Variants in LEPR observed in about 807,000 individuals in gnomAD.
The protein encoded by LEPR is OB receptor.
Under a neutral mutation model 114.7 loss-of-function variants are expected in LEPR, and 56 were observed. That is an observed-to-expected ratio of 0.49 (90% CI 0.39 to 0.61). The LOEUF is 0.61. Ranked by LOEUF, LEPR falls within the 20% of genes least tolerant of loss-of-function variation. LEPR has a pLI of 0.00. For missense variants in LEPR, 1,202 were observed against 1,352.9 expected, an observed-to-expected ratio of 0.89 and a Z score of 1.75; for synonymous variants, 443 against 461.4, an observed-to-expected ratio of 0.96 and a Z score of 0.51.
rs552470170 is a variant in LEPR at position 65,457,807 on chromosome 1, G to C, written c.-21+32429G>C. ...CTTTTCTTTTTAAATTTCGAGACAGGCTACAACAGAATCCAAATCCATAGG... is the reference window on the plus strand; with the variant it reads ...CTTTTCTTTTTAAATTTCGAGACAGCCTACAACAGAATCCAAATCCATAGG... On this transcript the variant is annotated intron_variant, in intron 2 of 19. Coordinates refer to ENST00000349533, the MANE Select transcript of LEPR (RefSeq NM_002303.6). Among the ~76,000 whole-genome samples, 42 of 152,148 alleles carry C rather than the reference G, an allele frequency of 2.8e-4. 1 individual carries two copies. The Middle Eastern group carries it at 0.01, about 37-fold the overall frequency.
intron 9 of LEPR, 69 bp downstream of exon 9, chr1:65,601,751 T>C (rs1251464462): frequency 1.2e-6 from 2 of 1,605,654 alleles, no homozygotes; most frequent in Non-Finnish European, 1.7e-6. Context: ...CTCCTTATAT[T>C]AGAGTCCTGT....
intron 1 of LEPR, among the ~76,000 whole-genome samples, chr1:65,423,611 G>C (rs1646297748): frequency 6.6e-6 from 1 of 152,168 alleles, no homozygotes; most frequent in African/African-American, 2.4e-5. Context: ...CCATTAAAGA[G>C]TGGAAATGTA....
chr1:65,492,254 A>G (rs183944105), intron 2 of LEPR, among the ~76,000 whole-genome samples: 3 of 152,136 alleles, frequency 2.0e-5, no homozygotes, highest in East Asian at 3.9e-4. Context: ...TCCACTTCCA[A>G]TCTAATATTA....
At chr1:65,427,727 C>T (rs1425124500) in intron 2 of LEPR, 3 of 360,864 alleles carry the variant, frequency 8.3e-6, no homozygotes, top group East Asian at 1.6e-4. Context: ...TGACTCATTA[C>T]TGCTACTACA....
intron 4 of LEPR, 112 bp from the exon 5 acceptor site, chr1:65,572,214 C>T: frequency 4.5e-6 from 6 of 1,333,922 alleles, no homozygotes; most frequent in South Asian, 1.6e-5. Flanking sequence ...GAAGTTGTAT[C>T]AGAACACTGG....
At chr1:65,528,507 A>G (rs1650133510) in intron 2 of LEPR, among the ~76,000 whole-genome samples, 1 of 152,030 alleles carries the variant, frequency 6.6e-6, no homozygotes, top group Non-Finnish European at 1.5e-5. Flanking sequence ...CTTAATAGTG[A>G]TATTACCTGT....
intron 2 of LEPR, among the ~76,000 whole-genome samples, chr1:65,541,890 A>T (rs1047552877): frequency 6.6e-6 from 1 of 152,190 alleles, no homozygotes. Flanking sequence ...TTTGAGATCA[A>T]TGGAGCAAGT....
chr1:65,429,143 C>G (rs1018542165), intron 2 of LEPR, among the ~76,000 whole-genome samples: 5 of 152,010 alleles, frequency 3.3e-5, no homozygotes, highest in African/African-American at 9.7e-5. Flanking sequence ...CGAGGGTGAC[C>G]TGGGGTACAT....
chr1:65,473,903 G>T (rs114103909), intron 2 of LEPR, among the ~76,000 whole-genome samples: 1 of 152,094 alleles, frequency 6.6e-6, no homozygotes, highest in Non-Finnish European at 1.5e-5. Context: ...AATTCATGTT[G>T]TCTAATCAAT....
intron 2 of LEPR, among the ~76,000 whole-genome samples, chr1:65,502,041 G>A (rs1231633908): frequency 6.6e-6 from 1 of 152,096 alleles, no homozygotes; most frequent in East Asian, 1.9e-4. Context: ...GAAAACAAGA[G>A]GAAATGATTG....
At chr1:65,506,814 C>G (rs950372648) in intron 2 of LEPR, among the ~76,000 whole-genome samples, 1 of 152,150 alleles carries the variant, frequency 6.6e-6, no homozygotes, top group Non-Finnish European at 1.5e-5. Flanking sequence ...TTAAAATCCT[C>G]TCTTAGAGAT....
chr1:65,455,637 G>A (rs1294686806), intron 2 of LEPR, among the ~76,000 whole-genome samples: 6 of 152,202 alleles, frequency 3.9e-5, no homozygotes, highest in South Asian at 2.1e-4. Flanking sequence ...CAGTCTGTCC[G>A]TTCTCAGATC....
intron 2 of LEPR, among the ~76,000 whole-genome samples, chr1:65,464,864 G>T (rs901647527): frequency 6.6e-6 from 1 of 152,110 alleles, no homozygotes; most frequent in Non-Finnish European, 1.5e-5. Flanking sequence ...CTGTGGGATT[G>T]GTGGTGATAT....
At chr1:65,636,042 A>ATATATGTATTTTAGTCAAAAAC in intron 19 of LEPR, 149 bp from the exon 20 acceptor site, 1 of 835,970 alleles carries the variant, frequency 1.2e-6, no homozygotes, top group Non-Finnish European at 1.9e-6. Context: ...ATGCTTTTTG[A>ATATATGTATTTTAGTCAAAAAC]TATATGTATT....
At chr1:65,485,176 TCTTTTCATCCATAAAG>T (rs1647422706) in intron 2 of LEPR, among the ~76,000 whole-genome samples, 1 of 152,144 alleles carries the variant, frequency 6.6e-6, no homozygotes, top group African/African-American at 2.4e-5. Context: ...TAAGTCTCAA[TCTTTTCATCCATAAAG>T]CATTTCTTCA....
Position 65,592,759 on chromosome 1 carries a change from T to C in LEPR, c.597T>C (p.Pro199=), listed in dbSNP as rs760660648. Reference sequence around the variant, plus strand: ...ATGAATGTTGTGAATGTCTTGTGCCTGTGCCAACAGCCAAACTCAACGACA... The same window carrying C: ...ATGAATGTTGTGAATGTCTTGTGCCCGTGCCAACAGCCAAACTCAACGACA... The part of the protein sequence containing the change: ...SVHECCECLV[P]VPTAKLNDTL... The change falls in exon 6 of 20, where the codon CCT becomes CCC. Residue 199 remains proline (P), a synonymous_variant. Coordinates refer to ENST00000349533, the MANE Select transcript of LEPR (RefSeq NM_002303.6). 1.9e-6 allele frequency: 3 copies of C among 1,613,400 alleles called. No individual in the cohort carries two copies. The highest frequency in any genetic ancestry group is 2.2e-5 in the South Asian group (2 of 91,068).
At chr1:65,453,100 G>A (rs1415855682) in intron 2 of LEPR, among the ~76,000 whole-genome samples, 1 of 152,172 alleles carries the variant, frequency 6.6e-6, no homozygotes, top group African/African-American at 2.4e-5. Context: ...ATGGTAGTTT[G>A]TATTTCTGTG....
At position 65,596,533 on chromosome 1, in the gene LEPR, A is replaced by G. The variant is rs937269241; in HGVS notation, c.789A>G (p.Val263=). The G allele has an allele frequency of 1.2e-6, 2 of 1,612,754 alleles. No individual in the cohort carries two copies. Among genetic ancestry groups the G allele is most frequent in the African/African-American group, 1.3e-5 (1 of 74,864 alleles). The part of the protein sequence containing the change: ...LKISWSSPPL[V]PFPLQYQVKY... ...TTTCTTGGTCCAGCCCACCATTGGT[A>G]CCATTTCCACTTCAATATCAAGTGA... The change falls in exon 7 of 20, where the codon GTA becomes GTG. Residue 263 remains valine, a synonymous_variant. Transcript: ENST00000349533.
intron 14 of LEPR, among the ~76,000 whole-genome samples, chr1:65,614,336 T>G (rs1203349047): frequency 6.6e-6 from 1 of 152,190 alleles, no homozygotes; most frequent in Non-Finnish European, 1.5e-5. Flanking sequence ...GAAAATCATT[T>G]AGGAGGTTGA....
Sources: allele counts gnomAD v4.1 joint callset (sites outside exome capture counted in the v4.1 genomes callset), GRCh38; gene constraint gnomAD v4.1.1; transcripts MANE v1.5; gene names NCBI Gene and HGNC (gene_info 2026-07-23, HGNC 2026-07-21).